WDFY3: variants seen among roughly 807,000 people sequenced by gnomAD.
WDFY3 encodes the protein WD repeat and FYVE domain containing 3.
Under a neutral mutation model 409.6 loss-of-function variants are expected in WDFY3, and 66 were observed. The observed-to-expected ratio is 0.16, with a 90% CI of 0.13 to 0.20. WDFY3 has a LOEUF of 0.20. Among genes scored for constraint, WDFY3 ranks in the 10% least tolerant of loss-of-function variants. The pLI is 1.00. For synonymous variants in WDFY3, 1,521 were observed against 1,537.1 expected (o/e 0.99, Z 0.25); for missense variants, 3,031 against 4,298.1 (o/e 0.71, Z 8.24).
intron 30 of WDFY3, among the ~76,000 whole-genome samples, chr4:84,770,117 C>A (rs1369499401): frequency 6.6e-6 from 1 of 151,974 alleles, no homozygotes; most frequent in African/African-American, 2.4e-5. Flanking sequence ...CAAGCTCTGC[C>A]TCCCAGGTTC....
intron 30 of WDFY3, among the ~76,000 whole-genome samples, chr4:84,771,724 G>A (rs1478093439): frequency 6.6e-6 from 1 of 152,018 alleles, no homozygotes; most frequent in Admixed American, 6.6e-5. Context: ...ATTTCATATG[G>A]TTATTACAAA....
chr4:84,802,028 A>G (rs146999900), intron 16 of WDFY3, among the ~76,000 whole-genome samples, 164 bp from the exon 17 acceptor site: 470 of 151,500 alleles, frequency 3.1e-3, no homozygotes, highest in Admixed American at 9.6e-3. Flanking sequence ...CCTCATTGCA[A>G]CCTCTGCCTT....
chr4:84,791,397 G>A (rs1748498719), intron 21 of WDFY3, among the ~76,000 whole-genome samples: 1 of 152,140 alleles, frequency 6.6e-6, no homozygotes, highest in African/African-American at 2.4e-5. Flanking sequence ...AAGGGCTTGA[G>A]GGAGGGGCAA....
chr4:84,679,144 T>C lies in WDFY3; in HGVS notation c.9922A>G (p.Ser3308Gly). 6.2e-7 allele frequency: 1 copy of C among 1,614,014 alleles called. No homozygotes were observed. The highest frequency in any genetic ancestry group is 1.1e-5 in the South Asian group (1 of 91,064). ...KDTPSQPSSTSHRPRAASCRA... is the reference protein window; with the variant it reads ...KDTPSQPSSTGHRPRAASCRA... ...CAGGAGGCTGCCCGGGGCCTGTGGC[T>C]GGTGCTGCTGGGTTGGCTTGGAGTG... The change falls in exon 65 of 68, where the codon AGC (serine) becomes GGC (glycine). Residue 3308 changes from serine to glycine, a missense_variant. Around this residue, in one of 16 missense-constraint regions of WDFY3, gnomAD observed 378 missense variants for 477.3 expected, o/e 0.79. Transcript: ENST00000295888.
At chr4:84,866,494 C>T (rs1218229468) in intron 3 of WDFY3, among the ~76,000 whole-genome samples, 3 of 152,266 alleles carry the variant, frequency 2.0e-5, no homozygotes, top group Non-Finnish European at 4.4e-5. Flanking sequence ...CCCCTTTCCA[C>T]CACGTCCTAG....
chr4:84,717,143 T>C (rs1291927203), intron 48 of WDFY3, 127 bp from the exon 49 acceptor site: 2 of 1,057,532 alleles, frequency 1.9e-6, no homozygotes, highest in African/African-American at 3.3e-5. Flanking sequence ...GAATTTTCAG[T>C]TAAAAAATAT....
rs985494100 is a variant in WDFY3, at chr4:84,896,952, C to G, written c.-73G>C. ...GGGTAACAGGTTCTGAATGTGTGAG[C>G]ACAATAGGGCCCATTCGCTTGAAGG... is the stretch of plus-strand genomic sequence containing the variant. On this transcript the variant is annotated 5_prime_UTR_variant, in exon 3 of 68. Coordinates refer to ENST00000295888, the MANE Select transcript of WDFY3 (RefSeq NM_014991.6). The G allele has an allele frequency of 6.6e-6, 1 of 152,154 alleles. No homozygotes were observed. Among genetic ancestry groups the G allele is most frequent in the Admixed American group, 6.5e-5 (1 of 15,280 alleles). The allele number at this position is 152,154 out of a possible 1,614,324, so 9.4% of individuals were successfully genotyped here.
intron 21 of WDFY3, among the ~76,000 whole-genome samples, chr4:84,792,336 T>C (rs559157192): frequency 6.6e-5 from 10 of 152,240 alleles, no homozygotes; most frequent in South Asian, 4.1e-4. Context: ...TCTAGTGTTA[T>C]GGACCAATGG....
intron 25 of WDFY3, among the ~76,000 whole-genome samples, chr4:84,781,756 G>C: frequency 6.6e-6 from 1 of 152,072 alleles, no homozygotes; most frequent in East Asian, 1.9e-4. Flanking sequence ...CCACAGGGCT[G>C]CTATACTTTT....
chr4:84,766,095 A>G (rs1448714942), intron 31 of WDFY3, 68 bp from the exon 32 acceptor site: 1 of 1,548,756 alleles, frequency 6.5e-7, no homozygotes, highest in Non-Finnish European at 8.8e-7. Flanking sequence ...ATTTCAAATC[A>G]AAAAGGAAAA....
chr4:84,775,210 A>G, intron 27 of WDFY3, 72 bp from the exon 28 acceptor site: 1 of 1,225,064 alleles, frequency 8.2e-7, no homozygotes, highest in South Asian at 1.3e-5. Context: ...ACAAACACCA[A>G]TACAGCACAT....
At chr4:84,854,209 G>A (rs1759433354) in intron 4 of WDFY3, among the ~76,000 whole-genome samples, 1 of 152,140 alleles carries the variant, frequency 6.6e-6, no homozygotes, top group African/African-American at 2.4e-5. Context: ...GTTGCAGGCA[G>A]TGAGATCAGA....
chr4:84,834,752 C>T (rs1756328706), intron 7 of WDFY3, among the ~76,000 whole-genome samples: 1 of 152,178 alleles, frequency 6.6e-6, no homozygotes, highest in Non-Finnish European at 1.5e-5. Flanking sequence ...TAACTGGCCA[C>T]ATCAACAACA....
chr4:84,753,733 G>A lies in WDFY3; in HGVS notation c.5703C>T (p.Thr1901=), dbSNP rs775666637. 8 of 1,600,262 alleles carry A rather than the reference G, an allele frequency of 5.0e-6. No individual in the cohort carries two copies. Among genetic ancestry groups the A allele is most frequent in the Admixed American group, 1.8e-5 (1 of 57,076 alleles). ...SPDFLCALAA[T]VFPFNIRPYS... is the part of the protein sequence containing the mutation. Reference sequence around the variant, plus strand: ...AAGGGCGAATATTGAAGGGGAAGACGGTGGCTGCTAATGCACACAGGAAGT... The same window carrying A: ...AAGGGCGAATATTGAAGGGGAAGACAGTGGCTGCTAATGCACACAGGAAGT... The change falls in exon 35 of 68, where the codon ACC becomes ACT. Residue 1901 remains threonine (T), a synonymous_variant. Transcript: ENST00000295888.
chr4:84,687,064 T>C (rs1259900614), intron 62 of WDFY3, among the ~76,000 whole-genome samples: 1 of 152,226 alleles, frequency 6.6e-6, no homozygotes, highest in Non-Finnish European at 1.5e-5. Context: ...ATTTTTCTCT[T>C]GTTTGGGTAC....
chr4:84,791,588 T>C (rs1417529624), intron 21 of WDFY3, among the ~76,000 whole-genome samples: 1 of 152,158 alleles, frequency 6.6e-6, no homozygotes, highest in African/African-American at 2.4e-5. Flanking sequence ...CAGTATGGGT[T>C]AGAAAAAGAA....
chr4:84,837,581 T>C (rs991662677), intron 6 of WDFY3, among the ~76,000 whole-genome samples: 12 of 152,206 alleles, frequency 7.9e-5, no homozygotes, highest in African/African-American at 2.9e-4. Context: ...ATTCTTATTG[T>C]AGATTTTTGA....
chr4:84,891,354 A>G, intron 3 of WDFY3, among the ~76,000 whole-genome samples: 1 of 152,290 alleles, frequency 6.6e-6, no homozygotes, highest in East Asian at 1.9e-4. Flanking sequence ...ATATATAAGC[A>G]CTTTTTATTT....
In WDFY3 at chr4:84,787,563, C is replaced by T; in HGVS notation, c.3820G>A (p.Val1274Ile). 6.2e-7 allele frequency: 1 copy of T among 1,614,138 alleles called. No homozygotes were observed. The highest frequency in any genetic ancestry group is 8.5e-7 in the Non-Finnish European group (1 of 1,180,018). The change falls in exon 23 of 68, where the codon GTT becomes ATT. Residue 1274 changes from valine to isoleucine, a missense_variant. Val to Ile is a conservative substitution (Grantham distance 29). This residue lies in a region of WDFY3 where 1,322 missense variants were observed against 1,697.9 expected (regional missense o/e 0.78). Coordinates refer to ENST00000295888, the MANE Select transcript of WDFY3 (RefSeq NM_014991.6). ...GTAGTAACATTTGAAGAAGGTAAAACTTCTTCTAGAAAATGTGTGGGTCCC... is the reference window on the plus strand; with the variant it reads ...GTAGTAACATTTGAAGAAGGTAAAATTTCTTCTAGAAAATGTGTGGGTCCC... The part of the protein sequence containing the change: ...RLGPTHFLEE[V>I]LPSSNVTTIY...
Sources: gnomAD v4.1 joint callset for allele counts (sites outside exome capture counted in the v4.1 genomes callset) on GRCh38, gnomAD v4.1.1 for gene constraint, gnomAD v4.1.1 regional missense constraint, MANE v1.5 for transcripts, NCBI Gene and HGNC (gene_info 2026-07-23, HGNC 2026-07-21) for gene names.